Variants in HIP1 observed in about 807,000 individuals in gnomAD.
HIP1 encodes huntingtin interacting protein 1.
HIP1 carries 65 observed loss-of-function variants against 147.6 expected under a neutral mutation model. The ratio of observed to expected loss-of-function variants is 0.44; its 90% CI spans 0.36 to 0.54. HIP1 has a LOEUF of 0.54. Among genes scored for constraint, HIP1 ranks in the 20% least tolerant of loss-of-function variants. The pLI, the probability that HIP1 is intolerant of heterozygous loss-of-function variation, is 0.00. For synonymous variants in HIP1, 479 were observed against 504.0 expected, an observed-to-expected ratio of 0.95 and a Z score of 0.67; for missense variants, 1,061 against 1,299.6, an observed-to-expected ratio of 0.82 and a Z score of 2.82.
intron 1 of HIP1, among the ~76,000 whole-genome samples, chr7:75,612,818 A>G (rs1217604166): frequency 6.6e-6 from 1 of 151,514 alleles, no homozygotes; most frequent in African/African-American, 2.4e-5. Flanking sequence ...TCAAATAATA[A>G]TAATAATAAT....
At chr7:75,601,245 A>G (rs1554502863) in intron 1 of HIP1, among the ~76,000 whole-genome samples, 1 of 151,972 alleles carries the variant, frequency 6.6e-6, no homozygotes, top group Non-Finnish European at 1.5e-5. Context: ...ACGGATCAGC[A>G]AACTACAGTT....
chr7:75,558,268 G>A lies in HIP1; in HGVS notation c.1376-13C>T, dbSNP rs73139347. 3,731 of 1,608,760 alleles carry A rather than the reference G, an allele frequency of 2.3e-3. 8 individuals are homozygous for A. The highest frequency in any genetic ancestry group is 2.8e-3 in the Non-Finnish European group (3,331 of 1,175,094). ...GCTTGAGCTTTCCCTGTATTGTAAA[G>A]GACCAAGGTGAGGAGTCTAACCTAG... On this transcript the variant is annotated splice_polypyrimidine_tract_variant and intron_variant, in intron 14 of 30. Transcript: ENST00000336926.
chr7:75,664,755 G>A (rs190617295), intron 1 of HIP1, among the ~76,000 whole-genome samples: 124 of 151,930 alleles, frequency 8.2e-4, no homozygotes, highest in East Asian at 3.7e-3. Context: ...TGAGTAGCTG[G>A]GATTACAAGC....
At chr7:75,714,684 C>A (rs782363746) in intron 1 of HIP1, among the ~76,000 whole-genome samples, 1 of 152,030 alleles carries the variant, frequency 6.6e-6, no homozygotes, top group South Asian at 2.1e-4. Context: ...AACTCCTAAC[C>A]TTAGGTAATC....
At chr7:75,581,156 GCA>G in intron 7 of HIP1, 79 bp downstream of exon 7, 1 of 1,068,884 alleles carries the variant, frequency 9.4e-7, no homozygotes, top group Non-Finnish European at 1.4e-6. Context: ...CCCTTGTGCT[GCA>G]CACTTTGCAG....
rs782136797 is a variant in HIP1, at chr7:75,599,262, G to T, written c.121-15C>A. On this transcript the variant is annotated splice_polypyrimidine_tract_variant and intron_variant, in intron 1 of 30. Transcript: ENST00000336926. ...ATGCTGACAGTCTGAAAAACAAGAA[G>T]GGGGGAGGGAAAGGAGGATGAGATG... The T allele has an allele frequency of 2.5e-6, 4 of 1,599,314 alleles. No homozygotes were observed. In the South Asian group the frequency reaches 4.4e-5, roughly 18 times the overall value.
At chr7:75,721,087 C>T (rs896861816) in intron 1 of HIP1, among the ~76,000 whole-genome samples, 9 of 150,116 alleles carry the variant, frequency 6.0e-5, no homozygotes, top group Admixed American at 1.3e-4. Flanking sequence ...AAAAAATTAG[C>T]TGGTCACAGC....
At chr7:75,637,994 ACACACACACATACAC>A (rs1563261815) in intron 1 of HIP1, among the ~76,000 whole-genome samples, 3 of 12,866 alleles carry the variant, frequency 2.3e-4, no homozygotes, top group African/African-American at 9.1e-4. Flanking sequence ...CCCCCCCCCC[ACACACACACATACAC>A]ACACACACAC....
chr7:75,684,122 A>G (rs1229942565), intron 1 of HIP1, among the ~76,000 whole-genome samples: 1 of 151,764 alleles, frequency 6.6e-6, no homozygotes, highest in African/African-American at 2.4e-5. Flanking sequence ...TGAGCGACAT[A>G]GTGAGACTCC....
Position 75,616,555 on chromosome 7 carries a change from T to G in HIP1, c.121-17308A>C, listed in dbSNP as rs147044867. Among the ~76,000 whole-genome samples, 497 of 149,978 alleles carry G rather than the reference T, an allele frequency of 3.3e-3. 5 individuals carry two copies. Among genetic ancestry groups the G allele is most frequent in the African/African-American group, 0.012 (476 of 40,898 alleles). On this transcript the variant is annotated intron_variant, in intron 1 of 30. Coordinates refer to ENST00000336926, the MANE Select transcript of HIP1 (RefSeq NM_005338.7). Reference sequence around the variant, plus strand: ...CCCAAAGTGCTGGAATTACCGGCGCTAGCCACCATGCCTGGCTTTTTAAGG... The same window carrying G: ...CCCAAAGTGCTGGAATTACCGGCGCGAGCCACCATGCCTGGCTTTTTAAGG...
At chr7:75,719,366 A>T (rs1432466697) in intron 1 of HIP1, among the ~76,000 whole-genome samples, 5 of 151,902 alleles carry the variant, frequency 3.3e-5, no homozygotes, top group African/African-American at 1.2e-4. Context: ...TAGCCAGGCA[A>T]GGTGGCAGGC....
In HIP1 at chr7:75,535,437, C is replaced by A. The variant is rs1554488391; in HGVS notation, c.*2735G>T. The A allele has an allele frequency of 5.5e-6, 1 of 181,556 alleles. No homozygotes were observed. Among genetic ancestry groups the A allele is most frequent in the Non-Finnish European group, 1.2e-5 (1 of 85,162 alleles). 11.2% of individuals were successfully genotyped at this position (181,556 alleles called of 1,614,324 possible). ...CTGGCACAATCAGGGCTGACTGCAG[C>A]CTCGACTTCCCAAGCTCAAGCAATT... On this transcript the variant is annotated 3_prime_UTR_variant, in exon 31 of 31. Transcript: ENST00000336926.
rs1299055216 is a variant in HIP1 at position 75,561,414 on chromosome 7, G to A, written c.1119-13C>T. ...AATTAAGTGGTCCCTGGGAAGAGAAGGGGAATGAGTTTGCTTTCATAGTGC... is the reference window on the plus strand; with the variant it reads ...AATTAAGTGGTCCCTGGGAAGAGAAAGGGAATGAGTTTGCTTTCATAGTGC... On this transcript the variant is annotated splice_polypyrimidine_tract_variant and intron_variant, in intron 12 of 30. Coordinates refer to ENST00000336926, the MANE Select transcript of HIP1 (RefSeq NM_005338.7). 1 of 1,591,720 alleles carries A rather than the reference G, an allele frequency of 6.3e-7. No individual in the cohort carries two copies. The highest frequency in any genetic ancestry group is 2.2e-5 in the East Asian group (1 of 44,784).
chr7:75,661,725 G>A (rs951832429), intron 1 of HIP1, among the ~76,000 whole-genome samples: 1 of 152,032 alleles, frequency 6.6e-6, no homozygotes, highest in Non-Finnish European at 1.5e-5. Context: ...AGTGCTGTTA[G>A]GTCCTGATGT....
chr7:75,559,920 G>T lies in HIP1; in HGVS notation c.1192-5C>A, dbSNP rs369693012. 2.6e-5 allele frequency: 41 copies of T among 1,593,252 alleles called. No homozygotes were observed. Among genetic ancestry groups the T allele is most frequent in the Non-Finnish European group, 3.5e-5 (41 of 1,172,052 alleles). On this transcript the variant is annotated splice_region_variant and splice_polypyrimidine_tract_variant and intron_variant, in intron 13 of 30. Transcript: ENST00000336926. Reference sequence around the variant, plus strand: ...CTGCAGCACAACCCGCTGGCTCTGTGGGGGGACTCCGGTCATGAGGCCAAC... The same window carrying T: ...CTGCAGCACAACCCGCTGGCTCTGTTGGGGGACTCCGGTCATGAGGCCAAC...
At chr7:75,684,336 T>A (rs566217502) in intron 1 of HIP1, among the ~76,000 whole-genome samples, 35 of 144,326 alleles carry the variant, frequency 2.4e-4, no homozygotes, top group African/African-American at 8.6e-4. Flanking sequence ...TAATCCCAGC[T>A]ACAGGGGAGG....
intron 27 of HIP1, among the ~76,000 whole-genome samples, chr7:75,543,249 A>G (rs1698574144): frequency 6.6e-6 from 1 of 152,344 alleles, no homozygotes; most frequent in Admixed American, 6.5e-5. Flanking sequence ...ATGACAAGAA[A>G]TAAGGACAAA....
chr7:75,614,334 T>TG (rs1270022556), intron 1 of HIP1, among the ~76,000 whole-genome samples: 2 of 152,082 alleles, frequency 1.3e-5, no homozygotes, highest in East Asian at 3.8e-4. Flanking sequence ...AGCCATGCGC[T>TG]GGGCCCTAAA....
At chr7:75,555,845 T>A (rs1554493138) in intron 18 of HIP1, among the ~76,000 whole-genome samples, 181 bp downstream of exon 18, 1 of 152,110 alleles carries the variant, frequency 6.6e-6, no homozygotes, top group Admixed American at 6.5e-5. Context: ...TTGCTTTCCC[T>A]CATGGACTCT....
Sources: gnomAD v4.1 joint callset for allele counts (sites outside exome capture counted in the v4.1 genomes callset) on GRCh38, gnomAD v4.1.1 for gene constraint, MANE v1.5 for transcripts, NCBI Gene and HGNC (gene_info 2026-07-23, HGNC 2026-07-21) for gene names.